The following LMNTD1 variants were observed in gnomAD, a reference collection of about 807,000 sequenced individuals.
LMNTD1 encodes lamin tail domain containing 1.
Under a neutral mutation model 50.9 loss-of-function variants are expected in LMNTD1, and 35 were observed. The observed-to-expected ratio is 0.69, with a 90% confidence interval of 0.53 to 0.91. LMNTD1 has a LOEUF of 0.91. Among genes scored for constraint, LMNTD1 ranks in the 40% least tolerant of loss-of-function variants. The pLI, the probability that LMNTD1 is intolerant of heterozygous loss-of-function variation, is 0.00. For missense variants in LMNTD1, 470 were observed against 475.5 expected, an observed-to-expected ratio of 0.99 and a Z score of 0.11; for synonymous variants, 153 against 161.9, an observed-to-expected ratio of 0.94 and a Z score of 0.42.
At chr12:25,644,407 C>T (rs1191519054) in intron 1 of LMNTD1, among the ~76,000 whole-genome samples, 1 of 151,172 alleles carries the variant, frequency 6.6e-6, no homozygotes. Flanking sequence ...ATTGGTTAAG[C>T]CTAGGAGGTT....
chr12:25,638,667 A>G (rs1244766737), intron 1 of LMNTD1, among the ~76,000 whole-genome samples: 1 of 152,148 alleles, frequency 6.6e-6, no homozygotes, highest in African/African-American at 2.4e-5. Context: ...ATAAAATATT[A>G]AGAAAATTAA....
At chr12:25,629,106 T>C (rs1946658520) in intron 1 of LMNTD1, among the ~76,000 whole-genome samples, 1 of 152,140 alleles carries the variant, frequency 6.6e-6, no homozygotes, top group South Asian at 2.1e-4. Context: ...TTAAAGAAAA[T>C]TAACTAAATC....
intron 1 of LMNTD1, among the ~76,000 whole-genome samples, chr12:25,623,996 A>G (rs1946531715): frequency 6.6e-6 from 1 of 152,144 alleles, no homozygotes; most frequent in South Asian, 2.1e-4. Flanking sequence ...TCCCTTGAGT[A>G]TGATGTGTGC....
chr12:25,539,971 C>A (rs1264251940), intron 4 of LMNTD1, among the ~76,000 whole-genome samples: 1 of 150,170 alleles, frequency 6.7e-6, no homozygotes, highest in East Asian at 2.0e-4. Flanking sequence ...ACTAGAAAAT[C>A]TAGAAGAAAT....
At chr12:25,506,758 T>C (rs11829184) in intron 8 of LMNTD1, among the ~76,000 whole-genome samples, 28,802 of 151,222 alleles carry the variant, frequency 0.19, 2,954 homozygotes, top group African/African-American at 0.25. Flanking sequence ...TATTTTACTA[T>C]TTCAAATTTT....
intron 1 of LMNTD1, among the ~76,000 whole-genome samples, chr12:25,563,710 T>C (rs754134655): frequency 2.9e-4 from 44 of 152,228 alleles, no homozygotes; most frequent in Non-Finnish European, 4.9e-4. Context: ...AAGTTTCTGC[T>C]GCCTTTTGTT....
intron 9 of LMNTD1, among the ~76,000 whole-genome samples, chr12:25,479,126 C>T (rs899504445): frequency 6.6e-6 from 1 of 152,148 alleles, no homozygotes; most frequent in Non-Finnish European, 1.5e-5. Context: ...CTGTAACTCC[C>T]TTCTTAGCCT....
At chr12:25,616,743 C>A (rs562531941) in intron 1 of LMNTD1, among the ~76,000 whole-genome samples, 8 of 151,996 alleles carry the variant, frequency 5.3e-5, no homozygotes, top group Non-Finnish European at 8.8e-5. Context: ...AAAAAGGCCA[C>A]GTATGTTATG....
intron 1 of LMNTD1, among the ~76,000 whole-genome samples, chr12:25,606,536 C>A (rs1169654206): frequency 6.6e-6 from 1 of 152,166 alleles, no homozygotes; most frequent in East Asian, 1.9e-4. Context: ...GAGTTTTTAG[C>A]ATGAAGGGTT....
chr12:25,560,838 G>T lies in LMNTD1; in HGVS notation c.59-14284C>A, dbSNP rs1008839417. Among the ~76,000 whole-genome samples the T allele has an allele frequency of 2.0e-5, 3 of 152,264 alleles. No individual in the cohort carries two copies. The South Asian group carries it at 6.2e-4, about 32-fold the overall frequency. On this transcript the variant is annotated intron_variant, in intron 1 of 7. Coordinates refer to the LMNTD1 transcript ENST00000445693. ...TCATGATTTGGCTCTCTGTTTGTCT[G>T]TTATTGATGTATAGGAATGCTTGTG...
chr12:25,506,449 C>A (rs1939786125), intron 8 of LMNTD1, among the ~76,000 whole-genome samples: 1 of 152,134 alleles, frequency 6.6e-6, no homozygotes. Context: ...AATATGCTCA[C>A]AATATCAACT....
intron 1 of LMNTD1, among the ~76,000 whole-genome samples, chr12:25,617,311 T>C (rs1033423918): frequency 7.9e-5 from 12 of 152,252 alleles, no homozygotes; most frequent in Non-Finnish European, 1.6e-4. Context: ...CCAGTGTCCC[T>C]GTGCAGTCTT....
At chr12:25,561,611 T>C (rs1336772436) in intron 1 of LMNTD1, among the ~76,000 whole-genome samples, 1 of 152,204 alleles carries the variant, frequency 6.6e-6, no homozygotes, top group Non-Finnish European at 1.5e-5. Context: ...GAAGAATGTA[T>C]ACTCTGTTGA....
chr12:25,570,124 A>C (rs1326009022), intron 1 of LMNTD1, among the ~76,000 whole-genome samples: 1 of 152,194 alleles, frequency 6.6e-6, no homozygotes, highest in African/African-American at 2.4e-5. Context: ...CCTGCAAAAT[A>C]CTGAGCGCCA....
chr12:25,587,773 C>A (rs1436470580), intron 1 of LMNTD1, among the ~76,000 whole-genome samples: 3 of 152,140 alleles, frequency 2.0e-5, no homozygotes, highest in African/African-American at 7.2e-5. Context: ...TAAGGGAGGG[C>A]ATATTGCCTA....
intron 1 of LMNTD1, among the ~76,000 whole-genome samples, chr12:25,561,870 T>A (rs1213895135): frequency 6.6e-6 from 1 of 152,236 alleles, no homozygotes; most frequent in Admixed American, 6.5e-5. Context: ...CTTGTTGAAT[T>A]GATCCCATTA....
chr12:25,478,878 T>TG (rs1415544550), intron 9 of LMNTD1, among the ~76,000 whole-genome samples: 1 of 95,894 alleles, frequency 1.0e-5, no homozygotes, highest in Non-Finnish European at 2.8e-5. Context: ...CAGGTCATGA[T>TG]TTTTTTTTTT....
chr12:25,488,912 T>TG lies in LMNTD1; in HGVS notation c.*23-12453dup, dbSNP rs529961562. Among the ~76,000 whole-genome samples the TG allele has an allele frequency of 9.1e-3, 1,380 of 152,304 alleles. 23 individuals carry two copies. Among genetic ancestry groups the TG allele is most frequent in the African/African-American group, 0.031 (1,286 of 41,560 alleles). The stretch of plus-strand genomic sequence containing the variant: ...TTGTGAGGTGTCAGTGTGCCCCTGC[T>TG]GGGGGGTGCCTCCCAGTTAGGCTGC... On this transcript the variant is annotated intron_variant, in intron 9 of 9. Transcript: ENST00000458174.
chr12:25,591,834 A>T (rs1945707033), intron 1 of LMNTD1, among the ~76,000 whole-genome samples: 3 of 140,658 alleles, frequency 2.1e-5, no homozygotes, highest in African/African-American at 3.2e-5. Context: ...AGAGAGAGAG[A>T]GAGAGAGAGA....
Sources: gnomAD v4.1 joint callset for allele counts (sites outside exome capture counted in the v4.1 genomes callset) on GRCh38, gnomAD v4.1.1 for gene constraint, MANE v1.5 for transcripts, NCBI Gene and HGNC (gene_info 2026-07-23, HGNC 2026-07-21) for gene names.